The following LYSMD4 variants were observed in gnomAD, a reference collection of about 807,000 sequenced individuals.
LYSMD4 encodes the protein LysM domain containing 4.
In LYSMD4, 9 loss-of-function variants were observed where a neutral mutation model predicts 6.1. The ratio of observed to expected loss-of-function variants is 1.47; its 90% CI spans 0.88 to 2.56. The LOEUF is 2.56. LYSMD4 is among the 30% of genes most tolerant of loss of function. LYSMD4 has a pLI of 0.00. For synonymous variants in LYSMD4, 143 were observed against 148.5 expected, an observed-to-expected ratio of 0.96 and a Z score of 0.27; for missense variants, 384 against 373.5, an observed-to-expected ratio of 1.03 and a Z score of -0.23.
chr15:99,729,611 G>C lies in LYSMD4; in HGVS notation c.403C>G (p.Pro135Ala). The change falls in exon 3 of 3, where the codon CCC becomes GCC. Residue 135 changes from proline to alanine, a missense_variant. Coordinates refer to ENST00000684762, the MANE Select transcript of LYSMD4 (RefSeq NM_001284417.2). ...ILMETHKELK[P>A]LLSPSSETTV... ...GTCTCGGAAGACGGGCTCAGAAGGGGTTTCAGTTCTTTGTGGGTCTCCATC... is the reference window on the plus strand; with the variant it reads ...GTCTCGGAAGACGGGCTCAGAAGGGCTTTCAGTTCTTTGTGGGTCTCCATC... 6.2e-7 allele frequency: 1 copy of C among 1,614,154 alleles called. No individual in the cohort carries two copies.
rs1456367506 is a variant in LYSMD4, at chr15:99,733,413, G to C, written c.-77C>G. On this transcript the variant is annotated 5_prime_UTR_variant, in exon 1 of 3. Coordinates refer to ENST00000684762, the MANE Select transcript of LYSMD4 (RefSeq NM_001284417.2). ...GACCCGCGACCCGCGACCCGCAGCT[G>C]CCACCGCGCCTGCGGATTGGCTACG... 2.5e-6 allele frequency: 1 copy of C among 395,074 alleles called. No individual in the cohort carries two copies. Among genetic ancestry groups the C allele is most frequent in the African/African-American group, 2.1e-5 (1 of 48,378 alleles). 24.5% of individuals were successfully genotyped at this position (395,074 alleles called of 1,614,324 possible).
chr15:99,727,415 C>T lies in LYSMD4; in HGVS notation c.*1708G>A, dbSNP rs1289343151. 1.3e-5 allele frequency: 2 copies of T among 152,066 alleles called. No homozygotes were observed. Among genetic ancestry groups the T allele is most frequent in the Admixed American group, 1.3e-4 (2 of 15,252 alleles). 9.4% of individuals were successfully genotyped at this position (152,066 alleles called of 1,614,324 possible). A position where few individuals can be genotyped will look rare whatever the true frequency, so the allele number is the denominator to read the frequency against. The stretch of plus-strand genomic sequence containing the variant: ...AAAAGGGGGAATCAATTTTCCTCCA[C>T]AGAAGAAATAATTTTATTCCATTTG... On this transcript the variant is annotated 3_prime_UTR_variant, in exon 3 of 3. Coordinates refer to ENST00000684762, the MANE Select transcript of LYSMD4 (RefSeq NM_001284417.2).
upstream of LYSMD4, among the ~76,000 whole-genome samples, chr15:99,718,942 T>C (rs1027352824): frequency 6.7e-6 from 1 of 149,844 alleles, no homozygotes; most frequent in African/African-American, 2.5e-5. Context: ...CACACACACA[T>C]CCATCCATAT....
upstream of LYSMD4, among the ~76,000 whole-genome samples, chr15:99,719,883 A>T (rs531563339): frequency 6.6e-6 from 1 of 152,268 alleles, no homozygotes; most frequent in Non-Finnish European, 1.5e-5. Context: ...CCAGTCTGAG[A>T]AGTGTATCTC....
chr15:99,733,380 C>CCACTCGT lies in LYSMD4; in HGVS notation c.-45_-44insACGAGTG, dbSNP rs1298066904. On this transcript the variant is annotated 5_prime_UTR_variant, in exon 1 of 3. Coordinates refer to ENST00000684762, the MANE Select transcript of LYSMD4 (RefSeq NM_001284417.2). ...AGGCTCCGCCGCGACCGGCGACCGGCGACTCGCGACCCGCGACCCGCGACC... is the reference window on the plus strand; with the variant it reads ...AGGCTCCGCCGCGACCGGCGACCGGCCACTCGTGACTCGCGACCCGCGACCCGCGACC... 7.6e-6 allele frequency: 3 copies of CCACTCGT among 395,422 alleles called. No individual in the cohort carries two copies. Among genetic ancestry groups the CCACTCGT allele is most frequent in the African/African-American group, 6.2e-5 (3 of 48,386 alleles). 24.5% of individuals were successfully genotyped at this position (395,422 alleles called of 1,614,324 possible).
At chr15:99,723,041 T>TTTTG (rs2059249360), downstream of LYSMD4, among the ~76,000 whole-genome samples, 1 of 151,436 alleles carries the variant, frequency 6.6e-6, no homozygotes, top group African/African-American at 2.4e-5. Flanking sequence ...GTTTTGTTTT[T>TTTTG]TTTTTAAAAA....
exon 1 of LYSMD4, chr15:99,717,482 C>T (rs1227599347): frequency 2.0e-5 from 2 of 98,232 alleles, no homozygotes; most frequent in Non-Finnish European, 4.6e-5. Context: ...AGTGTTTCTT[C>T]CCATCTTCCA....
chr15:99,715,905 C>A (rs1054290497), exon 1 of LYSMD4: 3 of 152,408 alleles, frequency 2.0e-5, no homozygotes, highest in African/African-American at 7.2e-5. Flanking sequence ...TTGTTATAGA[C>A]TAAATCAGGG....
At chr15:99,731,627 G>T (rs920238190) in intron 2 of LYSMD4, 91 bp downstream of exon 2, 31 of 1,522,776 alleles carry the variant, frequency 2.0e-5, no homozygotes, top group Non-Finnish European at 2.6e-5. Flanking sequence ...GCCTGGCAGG[G>T]TTAAGAAGGG....
In LYSMD4 at chr15:99,731,717, C is replaced by T; in HGVS notation, c.282+1G>A. The T allele has an allele frequency of 1.3e-6, 2 of 1,586,904 alleles. No homozygotes were observed. Among genetic ancestry groups the T allele is most frequent in the Middle Eastern group, 4.6e-4 (2 of 4,328 alleles). On this transcript the variant is annotated splice_donor_variant, in intron 2 of 2. Transcript: ENST00000684762. LOFTEE classifies it high-confidence loss of function. Reference sequence around the variant, plus strand: ...GGCAGGGCCCCTGAGGGGTGTCTTACTTTGCAGCCATACTGCAGCGCCAGC... The same window carrying T: ...GGCAGGGCCCCTGAGGGGTGTCTTATTTTGCAGCCATACTGCAGCGCCAGC...
chr15:99,716,886 C>CTA (rs1465103644), exon 1 of LYSMD4: 1 of 350,104 alleles, frequency 2.9e-6, no homozygotes, highest in African/African-American at 2.1e-5. Context: ...TTCTGGGTCT[C>CTA]TTTAAAGTCT....
chr15:99,731,409 T>C (rs763136040), intron 2 of LYSMD4: 11 of 1,612,236 alleles, frequency 6.8e-6, no homozygotes, highest in Non-Finnish European at 9.3e-6. Context: ...CCATTAGGTC[T>C]AAAATAAAAT....
rs770040306 is a variant in LYSMD4 at position 99,729,385 on chromosome 15, T to A, written c.629A>T (p.Asp210Val). The change falls in exon 3 of 3, where the codon GAT becomes GTT. Residue 210 changes from aspartate (D) to valine (V), a missense_variant. By Grantham distance (152) the Asp-to-Val change is radical. Transcript: ENST00000684762. ...LLPAPPKTPM[D>V]GADCGIQWWN... ...CCACTGAATGCCACAATCTGCACCATCCATAGGCGTCTTCGGAGGTGCCGG... is the reference window on the plus strand; with the variant it reads ...CCACTGAATGCCACAATCTGCACCAACCATAGGCGTCTTCGGAGGTGCCGG... 6.2e-7 allele frequency: 1 copy of A among 1,614,176 alleles called. No homozygotes were observed. The highest frequency in any genetic ancestry group is 1.1e-5 in the South Asian group (1 of 91,080).
chr15:99,732,693 T>A (rs944648194), intron 1 of LYSMD4, among the ~76,000 whole-genome samples: 1 of 152,212 alleles, frequency 6.6e-6, no homozygotes, highest in African/African-American at 2.4e-5. Flanking sequence ...CTCTCCAGAT[T>A]GTTCGCGTGA....
At position 99,729,331 on chromosome 15, in the gene LYSMD4, A is replaced by G. The variant is rs756836859; in HGVS notation, c.683T>C (p.Ile228Thr). 1.9e-6 allele frequency: 3 copies of G among 1,614,238 alleles called. No homozygotes were observed. In the Admixed American group the frequency reaches 5.0e-5, roughly 27 times the overall value. ...ATAAAAGACAGGCAAGACAATACCA[A>G]TCAGCAGCATGATGAAAACAGCATT... is the stretch of plus-strand genomic sequence containing the variant. ...WWNAVFIMLLIGIVLPVFYLV... is the reference protein window; with the variant it reads ...WWNAVFIMLLTGIVLPVFYLV... The change falls in exon 3 of 3, where the codon ATT becomes ACT. Residue 228 changes from isoleucine to threonine, a missense_variant. Coordinates refer to ENST00000684762, the MANE Select transcript of LYSMD4 (RefSeq NM_001284417.2).
downstream of LYSMD4, among the ~76,000 whole-genome samples, chr15:99,722,607 G>C (rs2141095575): frequency 6.6e-6 from 1 of 152,264 alleles, no homozygotes; most frequent in East Asian, 1.9e-4. Context: ...ATAAATGACG[G>C]AATTAGCAGA....
At chr15:99,725,882 C>G (rs527290502), downstream of LYSMD4, among the ~76,000 whole-genome samples, 9 of 152,134 alleles carry the variant, frequency 5.9e-5, no homozygotes, top group Non-Finnish European at 8.8e-5. Context: ...CCAAACACCC[C>G]CATTTACCAG....
In LYSMD4 at chr15:99,729,491, G is replaced by A; in HGVS notation, c.523C>T (p.Gln175Ter). Residue 175 changes from glutamine to a stop codon, truncating the protein, a stop_gained, in exon 3 of 3, where the codon CAG becomes TAG. Coordinates refer to ENST00000684762, the MANE Select transcript of LYSMD4 (RefSeq NM_001284417.2). LOFTEE classifies it low-confidence loss of function (END_TRUNC). ...GACTGCACTGCACGCTCAATATCCT[G>A]GTCAATCCCCTTAAAGAAGCCCATC... ...QLMGFFKGIDQDIERAVQSEI... is the reference protein window; with the variant it reads ...QLMGFFKGID The A allele has an allele frequency of 6.2e-7, 1 of 1,614,116 alleles. No individual in the cohort carries two copies. The highest frequency in any genetic ancestry group is 8.5e-7 in the Non-Finnish European group (1 of 1,180,010).
chr15:99,732,046 T>C (rs748850124), intron 1 of LYSMD4, 39 bp from the exon 2 acceptor site: 16 of 1,511,862 alleles, frequency 1.1e-5, no homozygotes, highest in East Asian at 2.5e-5. Context: ...ACAGAAGACA[T>C]AATCATCCCT....
Sources: allele counts gnomAD v4.1 joint callset (sites outside exome capture counted in the v4.1 genomes callset), GRCh38; gene constraint gnomAD v4.1.1; transcripts MANE v1.5; gene names NCBI Gene and HGNC (gene_info 2026-07-23, HGNC 2026-07-21).